Variants in RNF130 observed in about 807,000 individuals in gnomAD.
The protein encoded by RNF130 is E3 ubiquitin-protein ligase RNF130.
A neutral mutation model predicts 44.6 loss-of-function variants in RNF130; 21 were observed. That is an observed-to-expected ratio of 0.47 (90% CI 0.33 to 0.68). The LOEUF (loss-of-function observed/expected upper bound fraction) is 0.68. RNF130 is among the 30% of genes least tolerant of loss of function. The pLI, the probability that RNF130 is intolerant of heterozygous loss-of-function variation, is 0.02. For synonymous variants in RNF130, 214 were observed against 210.4 expected, an observed-to-expected ratio of 1.02 and a Z score of -0.15; for missense variants, 479 against 560.6, an observed-to-expected ratio of 0.85 and a Z score of 1.47.
At position 180,040,661 on chromosome 5, in the gene RNF130, G is replaced by T. The variant is rs774228009; in HGVS notation, c.248-14C>A. 1.2e-6 allele frequency: 2 copies of T among 1,606,400 alleles called. No individual in the cohort carries two copies. Among genetic ancestry groups the T allele is most frequent in the Non-Finnish European group, 8.5e-7 (1 of 1,176,098 alleles). On this transcript the variant is annotated splice_polypyrimidine_tract_variant and intron_variant, in intron 1 of 8. Transcript: ENST00000521389. Reference sequence around the variant, plus strand: ...GATGATCAGCAACTGAAAAGAAAAAGAAATACACACATTAAAGATAAATAA... The same window carrying T: ...GATGATCAGCAACTGAAAAGAAAAATAAATACACACATTAAAGATAAATAA...
At chr5:180,034,646 T>A (rs752026677) in intron 2 of RNF130, among the ~76,000 whole-genome samples, 34 of 152,310 alleles carry the variant, frequency 2.2e-4, no homozygotes, top group Non-Finnish European at 3.1e-4. Flanking sequence ...CATAGCAGGT[T>A]TGAACTACTA....
In RNF130 at chr5:179,955,606, CT is replaced by C; in HGVS notation, c.*47del. 3 of 1,528,792 alleles carry C rather than the reference CT, an allele frequency of 2.0e-6. No individual in the cohort carries two copies. Among genetic ancestry groups the C allele is most frequent in the East Asian group, 2.3e-5 (1 of 44,260 alleles). The allele number at this position is 1,528,792 out of a possible 1,614,324, so 94.7% of individuals were successfully genotyped here. ...GGTAAATGATGCACAAAAATAGGTT[CT>C]TTTTTCCTTCAAGGCAAAATCAGTC... is the stretch of plus-strand genomic sequence containing the variant. On this transcript the variant is annotated 3_prime_UTR_variant, in exon 9 of 9. Coordinates refer to ENST00000521389, the MANE Select transcript of RNF130 (RefSeq NM_018434.6).
intron 1 of RNF130, 72 bp downstream of exon 1, chr5:180,071,384 C>A: frequency 3.3e-6 from 4 of 1,216,580 alleles, no homozygotes; most frequent in East Asian, 3.2e-5. Flanking sequence ...AGAGCCGGGG[C>A]CGGGAACCCT....
chr5:180,035,538 G>A (rs1764230317), intron 2 of RNF130, among the ~76,000 whole-genome samples: 1 of 152,146 alleles, frequency 6.6e-6, no homozygotes, highest in African/African-American at 2.4e-5. Context: ...TGTTGGTCAA[G>A]GTTTCTATAT....
chr5:179,928,017 C>T (rs1490297777), intron 7 of RNF130, among the ~76,000 whole-genome samples: 1 of 152,164 alleles, frequency 6.6e-6, no homozygotes, highest in African/African-American at 2.4e-5. Context: ...GGGAATATAG[C>T]AACAGTTCCT....
At chr5:179,999,293 T>C (rs1444165124) in intron 3 of RNF130, among the ~76,000 whole-genome samples, 1 of 150,840 alleles carries the variant, frequency 6.6e-6, no homozygotes, top group African/African-American at 2.4e-5. Flanking sequence ...AGTGCTGGGA[T>C]TACAAGCGTG....
chr5:180,003,864 T>C (rs1763402552), intron 3 of RNF130, among the ~76,000 whole-genome samples: 1 of 152,216 alleles, frequency 6.6e-6, no homozygotes, highest in Admixed American at 6.5e-5. Context: ...GGCAGATGCA[T>C]TAAATCTACC....
chr5:180,049,090 A>C (rs1387758628), intron 1 of RNF130, among the ~76,000 whole-genome samples: 1 of 152,232 alleles, frequency 6.6e-6, no homozygotes, highest in Non-Finnish European at 1.5e-5. Context: ...TCAAACCTCA[A>C]GGTAACCTTA....
chr5:180,047,028 T>C (rs2113152713), intron 1 of RNF130, among the ~76,000 whole-genome samples: 1 of 152,308 alleles, frequency 6.6e-6, no homozygotes, highest in Non-Finnish European at 1.5e-5. Context: ...CACGTGGTAA[T>C]ATCCTGACTA....
chr5:180,025,106 C>G (rs543436207), intron 2 of RNF130, among the ~76,000 whole-genome samples: 1 of 152,176 alleles, frequency 6.6e-6, no homozygotes, highest in Non-Finnish European at 1.5e-5. Flanking sequence ...AGCATCAATG[C>G]GGGGTAGAGA....
At chr5:179,976,136 A>G (rs1386149757) in intron 5 of RNF130, among the ~76,000 whole-genome samples, 1 of 152,226 alleles carries the variant, frequency 6.6e-6, no homozygotes, top group Non-Finnish European at 1.5e-5. Context: ...CCTGGGCAAC[A>G]TAGTGAGACC....
At chr5:180,052,755 A>G (rs1252694686) in intron 1 of RNF130, among the ~76,000 whole-genome samples, 1 of 152,230 alleles carries the variant, frequency 6.6e-6, no homozygotes, top group African/African-American at 2.4e-5. Flanking sequence ...AATACAAGGG[A>G]AATCATAAAA....
At chr5:180,032,212 C>A (rs1764145598) in intron 2 of RNF130, among the ~76,000 whole-genome samples, 2 of 152,090 alleles carry the variant, frequency 1.3e-5, no homozygotes, top group Admixed American at 1.3e-4. Flanking sequence ...TTGATAAAAT[C>A]TAATTTTTTT....
intron 3 of RNF130, among the ~76,000 whole-genome samples, chr5:179,986,761 T>A (rs1762961991): frequency 6.6e-6 from 1 of 152,258 alleles, no homozygotes; most frequent in Non-Finnish European, 1.5e-5. Flanking sequence ...TATTTTATGA[T>A]AGTAAATGAT....
chr5:179,982,492 T>C (rs1762861029), intron 3 of RNF130, among the ~76,000 whole-genome samples: 1 of 152,234 alleles, frequency 6.6e-6, no homozygotes, highest in African/African-American at 2.4e-5. Context: ...CATATTATTT[T>C]ACATTTGCAA....
chr5:179,941,206 C>T (rs1406008317), intron 7 of RNF130, among the ~76,000 whole-genome samples: 1 of 152,092 alleles, frequency 6.6e-6, no homozygotes, highest in Non-Finnish European at 1.5e-5. Context: ...TTGCCTGCTT[C>T]GTTTGGTTGG....
chr5:179,960,648 G>A (rs1451157957), intron 8 of RNF130, among the ~76,000 whole-genome samples: 2 of 152,182 alleles, frequency 1.3e-5, no homozygotes, highest in African/African-American at 2.4e-5. Context: ...GGACTTGCTT[G>A]AACAGTAATA....
At chr5:179,974,929 T>G (rs1416669257) in intron 5 of RNF130, among the ~76,000 whole-genome samples, 1 of 152,222 alleles carries the variant, frequency 6.6e-6, no homozygotes, top group Non-Finnish European at 1.5e-5. Context: ...AACCCATTGC[T>G]TCCTCTGGGC....
intron 1 of RNF130, among the ~76,000 whole-genome samples, chr5:180,069,633 T>C (rs969610660): frequency 2.0e-5 from 3 of 152,210 alleles, no homozygotes; most frequent in African/African-American, 7.2e-5. Context: ...TAAGGAACCG[T>C]TTAAACCTGT....
Sources: allele counts gnomAD v4.1 joint callset (sites outside exome capture counted in the v4.1 genomes callset), GRCh38; gene constraint gnomAD v4.1.1; transcripts MANE v1.5; gene names NCBI Gene and HGNC (gene_info 2026-07-23, HGNC 2026-07-21).